The following NALF2 variants were observed in gnomAD, a reference collection of about 807,000 sequenced individuals.
NALF2 encodes the protein bB57D9.1 (TED protein).
NALF2 carries 1 observed loss-of-function variant against 24.8 expected under a neutral mutation model. The observed-to-expected ratio is 0.04, with a 90% CI of 0.01 to 0.19. NALF2 has a LOEUF of 0.19. NALF2 is among the 10% of genes least tolerant of loss of function. The pLI, the probability that NALF2 is intolerant of heterozygous loss-of-function variation, is 1.00. For missense variants in NALF2, 458 were observed against 409.6 expected, an observed-to-expected ratio of 1.12 and a Z score of -1.02; for synonymous variants, 254 against 189.8, an observed-to-expected ratio of 1.34 and a Z score of -2.78.
chrX:69,513,906 C>G (rs1390040717), intron 1 of NALF2, among the ~76,000 whole-genome samples: 1 of 111,770 alleles, frequency 8.9e-6, no homozygotes, highest in Non-Finnish European at 1.9e-5. Context: ...TAAACAAGAA[C>G]TCCCAGCCGG....
chrX:69,528,845 T>G (rs1930847484), intron 1 of NALF2, 148 bp from the exon 2 acceptor site: 10 of 498,710 alleles, frequency 2.0e-5, no homozygotes, highest in Admixed American at 9.1e-5. Flanking sequence ...GTGGCCTTGA[T>G]CCAAGCCCTT....
chrX:69,528,851 C>T (rs1328103561), intron 1 of NALF2, 142 bp from the exon 2 acceptor site: 1 of 522,159 alleles, frequency 1.9e-6, no homozygotes, highest in Non-Finnish European at 2.9e-6. Context: ...TTGATCCAAG[C>T]CCTTCTTCCT....
chrX:69,519,773 G>A (rs1488771551), intron 1 of NALF2, among the ~76,000 whole-genome samples: 1 of 112,060 alleles, frequency 8.9e-6, no homozygotes, highest in Non-Finnish European at 1.9e-5. Flanking sequence ...AAAAATTGGG[G>A]ATGTTTGGCT....
At chrX:69,509,887 G>T (rs1274679882) in intron 1 of NALF2, among the ~76,000 whole-genome samples, 1 of 112,391 alleles carries the variant, frequency 8.9e-6, no homozygotes, top group East Asian at 2.8e-4. Flanking sequence ...TTGAGCTAAG[G>T]ACGTCAACTC....
rs1930863045 is a variant in NALF2 at position 69,529,591 on chromosome X, A to G, written c.1054A>G (p.Lys352Glu). Residue 352 changes from lysine (K) to glutamate (E), a missense_variant, in exon 3 of 3, where the codon AAG becomes GAG. Coordinates refer to ENST00000252338, the MANE Select transcript of NALF2 (RefSeq NM_015686.3). ...GGCAGGGTTGCTGGATACTTCACCA[A>G]AGCGTCTGGAAACCAAGTGCTGTGA... ...ICTGLLDTSP[K>E]RLETKCCDVQ... The G allele has an allele frequency of 8.3e-7, 1 of 1,209,327 alleles. No individual in the cohort carries two copies.
Position 69,532,286 on chromosome X carries a change from TC to T in NALF2, c.*2332del, listed in dbSNP as rs1250725702. 8.9e-6 allele frequency: 1 copy of T among 112,429 alleles called. No homozygotes were observed. The highest frequency in any genetic ancestry group is 1.9e-5 in the Non-Finnish European group (1 of 53,186). The allele number at this position is 112,429 out of a possible 1,213,427, so 9.3% of individuals were successfully genotyped here. On this transcript the variant is annotated 3_prime_UTR_variant, in exon 3 of 3. Transcript: ENST00000252338. ...ATGAGTAGGACTTTCTTGCACTAGT[TC>T]CTATGACTGAGTCTCCAAACTGGTT...
At chrX:69,521,525 G>T (rs1217260639) in intron 1 of NALF2, among the ~76,000 whole-genome samples, 2 of 111,529 alleles carry the variant, frequency 1.8e-5, no homozygotes, top group Non-Finnish European at 3.8e-5. Context: ...CCAAACATCA[G>T]AGCTTAGCCT....
Position 69,530,011 on chromosome X carries a change from A to G in NALF2, c.*55A>G. 3 of 743,657 alleles carry G rather than the reference A, an allele frequency of 4.0e-6. No individual in the cohort carries two copies. Among genetic ancestry groups the G allele is most frequent in the East Asian group, 5.4e-5 (1 of 18,435 alleles). The allele number at this position is 743,657 out of a possible 1,213,427, so 61.3% of individuals were successfully genotyped here. A position where few individuals can be genotyped will look rare whatever the true frequency, so the allele number is the denominator to read the frequency against. On this transcript the variant is annotated 3_prime_UTR_variant, in exon 3 of 3. Coordinates refer to ENST00000252338, the MANE Select transcript of NALF2 (RefSeq NM_015686.3). ...CACTGACATCAGCTCCAGCTCCCCC[A>G]GGTTGGGGGGGAGGGGGCTCCTCCC... is the stretch of plus-strand genomic sequence containing the variant.
At chrX:69,506,945 C>T (rs1025051120) in intron 1 of NALF2, among the ~76,000 whole-genome samples, 1 of 112,284 alleles carries the variant, frequency 8.9e-6, no homozygotes, top group African/African-American at 3.2e-5. Flanking sequence ...GCAGACCGGC[C>T]CGCCTAGGGA....
chrX:69,513,033 A>C (rs1044365786), intron 1 of NALF2, among the ~76,000 whole-genome samples: 1 of 111,692 alleles, frequency 9.0e-6, no homozygotes, highest in Non-Finnish European at 1.9e-5. Context: ...GAATAGCAAC[A>C]AGAGAATGGG....
chrX:69,513,409 C>T (rs1297805356), intron 1 of NALF2, among the ~76,000 whole-genome samples: 1 of 112,340 alleles, frequency 8.9e-6, no homozygotes, highest in African/African-American at 3.2e-5. Flanking sequence ...AACTTGAACA[C>T]CTAGGCTTTT....
At chrX:69,520,252 A>G (rs753608529) in intron 1 of NALF2, among the ~76,000 whole-genome samples, 2 of 112,158 alleles carry the variant, frequency 1.8e-5, no homozygotes, top group Non-Finnish European at 3.8e-5. Flanking sequence ...CTTTCTCATG[A>G]TACGTGTCTG....
intron 1 of NALF2, among the ~76,000 whole-genome samples, chrX:69,511,390 G>C (rs1286947500): frequency 1.8e-5 from 2 of 110,486 alleles, no homozygotes; most frequent in South Asian, 3.9e-4. Context: ...TCATCTTCTG[G>C]TCCTCTCTTC....
chrX:69,514,640 A>G (rs1174375922), intron 1 of NALF2, among the ~76,000 whole-genome samples: 2 of 111,523 alleles, frequency 1.8e-5, no homozygotes, highest in Non-Finnish European at 3.8e-5. Context: ...TTTTTGTGGA[A>G]CTGCCATCCT....
intron 2 of NALF2, among the ~76,000 whole-genome samples, 185 bp downstream of exon 2, chrX:69,529,349 G>C (rs1264936381): frequency 9.0e-6 from 1 of 111,401 alleles, no homozygotes; most frequent in Non-Finnish European, 1.9e-5. Context: ...AAAGACCAGA[G>C]TGTCCTTCTC....
At position 69,529,831 on chromosome X, in the gene NALF2, C is replaced by G; in HGVS notation, c.1294C>G (p.Arg432Gly). ...CTCCCGCCTCAGCCCTAGCAGGATC[C>G]GGCTCTGCGTCCTTGTTCTCATGCT... ...GGSRLSPSRIRLCVLVLMLLH... is the reference protein window; with the variant it reads ...GGSRLSPSRIGLCVLVLMLLH... The change falls in exon 3 of 3, where the codon CGG becomes GGG. Residue 432 changes from arginine to glycine, a missense_variant. By Grantham distance (125) the Arg-to-Gly change is moderately radical (BLOSUM62 -2). Coordinates refer to ENST00000252338, the MANE Select transcript of NALF2 (RefSeq NM_015686.3). 9 of 1,211,657 alleles carry G rather than the reference C, an allele frequency of 7.4e-6. No homozygotes were observed. The highest frequency in any genetic ancestry group is 3.0e-5 in the East Asian group (1 of 33,838).
intron 1 of NALF2, 139 bp downstream of exon 1, chrX:69,506,282 A>G: frequency 3.2e-6 from 2 of 625,747 alleles, no homozygotes; most frequent in Non-Finnish European, 4.8e-6. Flanking sequence ...TACCAGTGCC[A>G]CCCTGGGACC....
chrX:69,513,869 C>T (rs1279254969), intron 1 of NALF2, among the ~76,000 whole-genome samples: 2 of 111,292 alleles, frequency 1.8e-5, no homozygotes, highest in Non-Finnish European at 3.8e-5. Context: ...ACGTTTTCAT[C>T]CTCCCAAACA....
chrX:69,507,852 T>C (rs1199848646), intron 1 of NALF2, among the ~76,000 whole-genome samples: 1 of 111,419 alleles, frequency 9.0e-6, no homozygotes, highest in Non-Finnish European at 1.9e-5. Context: ...TTTGTTTTTT[T>C]CCTCAATCAC....
Sources: allele counts gnomAD v4.1 joint callset (sites outside exome capture counted in the v4.1 genomes callset), GRCh38; gene constraint gnomAD v4.1.1; transcripts MANE v1.5; gene names NCBI Gene and HGNC (gene_info 2026-07-23, HGNC 2026-07-21).